Variants in CADM1 observed in about 807,000 individuals in gnomAD.
CADM1 encodes the protein TSLC-1.
CADM1 carries 15 observed loss-of-function variants against 53.1 expected under a neutral mutation model. The observed-to-expected ratio is 0.28, with a 90% confidence interval of 0.19 to 0.44. The LOEUF is 0.44. Among genes scored for constraint, CADM1 ranks in the 20% least tolerant of loss-of-function variants. The pLI, the probability that CADM1 is intolerant of heterozygous loss-of-function variation, is 1.00. For synonymous variants in CADM1, 281 were observed against 243.0 expected, an observed-to-expected ratio of 1.16 and a Z score of -1.45; for missense variants, 434 against 611.3, an observed-to-expected ratio of 0.71 and a Z score of 3.06.
intron 1 of CADM1, among the ~76,000 whole-genome samples, chr11:115,466,593 C>T (rs1357835939): frequency 6.6e-6 from 1 of 152,184 alleles, no homozygotes; most frequent in Non-Finnish European, 1.5e-5. Flanking sequence ...TTCAGAATAA[C>T]ATGTTGCACC....
At chr11:115,391,564 G>C (rs2135184036) in intron 1 of CADM1, among the ~76,000 whole-genome samples, 1 of 152,308 alleles carries the variant, frequency 6.6e-6, no homozygotes, top group East Asian at 1.9e-4. Flanking sequence ...AGAGGAGGAG[G>C]ATGCGGGAGG....
At chr11:115,296,550 T>TCAGAAA (rs1418914396) in intron 1 of CADM1, among the ~76,000 whole-genome samples, 1 of 152,198 alleles carries the variant, frequency 6.6e-6, no homozygotes, top group Non-Finnish European at 1.5e-5. Context: ...GCCAGGACAC[T>TCAGAAA]CTTCAGGTTT....
chr11:115,401,765 C>T (rs535796279), intron 1 of CADM1, among the ~76,000 whole-genome samples: 5 of 152,066 alleles, frequency 3.3e-5, no homozygotes, highest in Non-Finnish European at 7.4e-5. Context: ...ATGGACAACA[C>T]CAAGAGTGAA....
At chr11:115,217,811 C>T (rs1353832059) in intron 6 of CADM1, 81 bp downstream of exon 6, 2 of 878,026 alleles carry the variant, frequency 2.3e-6, no homozygotes, top group Non-Finnish European at 3.9e-6. Context: ...GGTGACAGGC[C>T]AAGGACTGGT....
intron 1 of CADM1, among the ~76,000 whole-genome samples, chr11:115,248,488 A>T (rs544036200): frequency 6.6e-6 from 1 of 152,330 alleles, no homozygotes; most frequent in East Asian, 1.9e-4. Flanking sequence ...ACACCCATCC[A>T]CTAAACTTGA....
chr11:115,382,124 C>T (rs551522731), intron 1 of CADM1, among the ~76,000 whole-genome samples: 2 of 152,176 alleles, frequency 1.3e-5, no homozygotes, highest in South Asian at 2.1e-4. Context: ...GGATTACAGG[C>T]GTGAGCCACC....
intron 1 of CADM1, among the ~76,000 whole-genome samples, chr11:115,361,645 T>G (rs751519158): frequency 1.3e-5 from 2 of 152,150 alleles, no homozygotes; most frequent in Admixed American, 6.5e-5. Context: ...ATTGTGCATA[T>G]GTCTGTCTAG....
Position 115,450,641 on chromosome 11 carries a change from T to C in CADM1, c.124+53630A>G, listed in dbSNP as rs78814531. 6.4e-3 allele frequency among the ~76,000 whole-genome samples: 977 copies of C among 152,322 alleles called. 14 individuals are homozygous for C. The highest frequency in any genetic ancestry group is 0.022 in the African/African-American group (902 of 41,568). ...TTCATTACATCCCTTATCCTCCTAA[T>C]GACATTTCCAAACAGGATTTTAAGA... On this transcript the variant is annotated intron_variant, in intron 1 of 11. Transcript: ENST00000331581.
intron 1 of CADM1, among the ~76,000 whole-genome samples, chr11:115,242,065 C>T (rs1942254035): frequency 1.3e-5 from 2 of 150,540 alleles, no homozygotes; most frequent in South Asian, 4.2e-4. Flanking sequence ...ATAGACCAGC[C>T]CCTGGCAGAG....
At chr11:115,301,993 A>G (rs1944234727) in intron 1 of CADM1, among the ~76,000 whole-genome samples, 1 of 152,104 alleles carries the variant, frequency 6.6e-6, no homozygotes, top group Non-Finnish European at 1.5e-5. Flanking sequence ...ATGAAAATAT[A>G]TATGTACATG....
At chr11:115,383,467 G>A (rs975713383) in intron 1 of CADM1, among the ~76,000 whole-genome samples, 3 of 152,210 alleles carry the variant, frequency 2.0e-5, no homozygotes, top group Admixed American at 6.5e-5. Flanking sequence ...TAGGCAAGAA[G>A]AATAAAGCTT....
chr11:115,435,658 G>A (rs1948167826), intron 1 of CADM1, among the ~76,000 whole-genome samples: 1 of 152,200 alleles, frequency 6.6e-6, no homozygotes, highest in Admixed American at 6.5e-5. Flanking sequence ...GTTTGAACCT[G>A]GGAGGTGGAG....
intron 1 of CADM1, among the ~76,000 whole-genome samples, chr11:115,325,709 C>A (rs1489919542): frequency 1.3e-5 from 2 of 152,122 alleles, no homozygotes; most frequent in Admixed American, 6.6e-5. Context: ...TTATCCAAGC[C>A]TGCAGAATGC....
intron 10 of CADM1, among the ~76,000 whole-genome samples, chr11:115,184,022 A>G (rs527840877): frequency 6.6e-6 from 1 of 152,270 alleles, no homozygotes; most frequent in South Asian, 2.1e-4. Flanking sequence ...TTTAATTACA[A>G]ACTCTCAGAA....
intron 1 of CADM1, among the ~76,000 whole-genome samples, chr11:115,259,503 G>A (rs138544431): frequency 2.0e-5 from 3 of 146,686 alleles, no homozygotes; most frequent in South Asian, 2.2e-4. Context: ...ATGGGTTTTC[G>A]CCATGTTGGC....
At chr11:115,187,498 G>A (rs868270508) in intron 10 of CADM1, among the ~76,000 whole-genome samples, 2 of 152,040 alleles carry the variant, frequency 1.3e-5, no homozygotes, top group Non-Finnish European at 2.9e-5. Flanking sequence ...GCGTCATCTC[G>A]GCTTACTGCA....
At chr11:115,205,293 C>T (rs770081638) in intron 8 of CADM1, among the ~76,000 whole-genome samples, 4 of 152,174 alleles carry the variant, frequency 2.6e-5, no homozygotes, top group Non-Finnish European at 4.4e-5. Flanking sequence ...GGAAACACAA[C>T]ATGCTTTCCT....
chr11:115,305,584 A>G (rs751457163), intron 1 of CADM1, among the ~76,000 whole-genome samples: 3 of 151,950 alleles, frequency 2.0e-5, no homozygotes, highest in Non-Finnish European at 2.9e-5. Context: ...TTGGCTGGCC[A>G]CAATGAAAGA....
chr11:115,354,498 G>T (rs1443045622), intron 1 of CADM1, among the ~76,000 whole-genome samples: 1 of 152,122 alleles, frequency 6.6e-6, no homozygotes, highest in East Asian at 1.9e-4. Flanking sequence ...ATGGTAGGAG[G>T]TTACTGAGCC....
Sources: allele counts gnomAD v4.1 joint callset (sites outside exome capture counted in the v4.1 genomes callset), GRCh38; gene constraint gnomAD v4.1.1; transcripts MANE v1.5; gene names NCBI Gene and HGNC (gene_info 2026-07-23, HGNC 2026-07-21).